Variants in STON2 observed in about 807,000 individuals in gnomAD.
STON2 encodes stonin 2.
Under a neutral mutation model 65.7 loss-of-function variants are expected in STON2, and 29 were observed. The observed-to-expected ratio is 0.44, with a 90% CI of 0.33 to 0.60. STON2 has a LOEUF of 0.60. Among genes scored for constraint, STON2 ranks in the 20% least tolerant of loss-of-function variants. STON2 has a pLI of 0.03. For synonymous variants in STON2, 404 were observed against 414.2 expected (o/e 0.98, Z 0.30); for missense variants, 1,054 against 1,118.1 (o/e 0.94, Z 0.82).
intron 3 of STON2, among the ~76,000 whole-genome samples, chr14:81,384,104 C>T (rs1487261449): frequency 6.6e-6 from 1 of 152,136 alleles, no homozygotes; most frequent in African/African-American, 2.4e-5. Flanking sequence ...GGTCTTCACT[C>T]ACATTTACCT....
intron 3 of STON2, among the ~76,000 whole-genome samples, chr14:81,371,504 G>C (rs979812449): frequency 1.3e-5 from 2 of 151,878 alleles, no homozygotes; most frequent in Non-Finnish European, 2.9e-5. Flanking sequence ...GACCATCCTG[G>C]CTAACACGGT....
chr14:81,275,774 G>A (rs1488040044), intron 6 of STON2, among the ~76,000 whole-genome samples: 1 of 152,122 alleles, frequency 6.6e-6, no homozygotes, highest in Non-Finnish European at 1.5e-5. Flanking sequence ...ACTGCCTGGG[G>A]AGCTGGCCCG....
intron 6 of STON2, among the ~76,000 whole-genome samples, chr14:81,273,842 G>A (rs1405872437): frequency 2.6e-5 from 4 of 152,198 alleles, no homozygotes; most frequent in Non-Finnish European, 1.5e-5. Context: ...AGGCAGGAAC[G>A]TGTGAGGAGA....
chr14:81,345,734 C>G (rs1897785954), intron 4 of STON2, among the ~76,000 whole-genome samples: 1 of 151,994 alleles, frequency 6.6e-6, no homozygotes, highest in Non-Finnish European at 1.5e-5. Context: ...GCACTCTAGC[C>G]TGGGCGACAG....
At chr14:81,358,182 A>G (rs1301897599) in intron 4 of STON2, among the ~76,000 whole-genome samples, 1 of 152,154 alleles carries the variant, frequency 6.6e-6, no homozygotes, top group African/African-American at 2.4e-5. Context: ...TTAAAAAACA[A>G]AACTATTAAT....
intron 4 of STON2, among the ~76,000 whole-genome samples, chr14:81,356,545 C>T (rs1392718999): frequency 2.6e-5 from 4 of 152,098 alleles, no homozygotes; most frequent in African/African-American, 9.7e-5. Flanking sequence ...GGAGGATTCC[C>T]TCTTTTTCTA....
chr14:81,415,622 A>G (rs575594745), intron 2 of STON2, among the ~76,000 whole-genome samples: 1 of 144,624 alleles, frequency 6.9e-6, no homozygotes, highest in East Asian at 2.1e-4. Flanking sequence ...GTGAGCCAAG[A>G]TCGCACCACT....
chr14:81,357,933 C>A (rs6574647), intron 4 of STON2, among the ~76,000 whole-genome samples: 44,725 of 148,066 alleles, frequency 0.3, 7,020 homozygotes, highest in East Asian at 0.4. Context: ...GATATACCTA[C>A]TGCTAGATGA....
intron 4 of STON2, among the ~76,000 whole-genome samples, chr14:81,329,892 C>A (rs990377735): frequency 6.6e-6 from 1 of 152,180 alleles, no homozygotes; most frequent in African/African-American, 2.4e-5. Flanking sequence ...GGTAAGCCTG[C>A]TTTACCTGAA....
chr14:81,361,049 G>C (rs1402745515), intron 4 of STON2, among the ~76,000 whole-genome samples: 1 of 152,110 alleles, frequency 6.6e-6, no homozygotes, highest in Non-Finnish European at 1.5e-5. Context: ...AATTCATACT[G>C]TTAAAATGAC....
At chr14:81,323,890 G>T (rs764081863) in intron 5 of STON2, among the ~76,000 whole-genome samples, 127 bp downstream of exon 5, 1 of 152,016 alleles carries the variant, frequency 6.6e-6, no homozygotes, top group Non-Finnish European at 1.5e-5. Flanking sequence ...GGGGACCACC[G>T]AGAACTAACC....
At chr14:81,276,171 C>T (rs1894810020) in intron 6 of STON2, among the ~76,000 whole-genome samples, 3 of 152,220 alleles carry the variant, frequency 2.0e-5, no homozygotes, top group Non-Finnish European at 4.4e-5. Context: ...ACGGGACCCA[C>T]GGGGGAAGTA....
chr14:81,344,140 AAC>A (rs1897724534), intron 4 of STON2, among the ~76,000 whole-genome samples: 1 of 152,162 alleles, frequency 6.6e-6, no homozygotes, highest in Non-Finnish European at 1.5e-5. Flanking sequence ...TCAGCCCCTA[AAC>A]ACATCTATCA....
chr14:81,356,211 G>T (rs1200850311), intron 4 of STON2, among the ~76,000 whole-genome samples: 8 of 152,094 alleles, frequency 5.3e-5, no homozygotes, highest in Non-Finnish European at 1.0e-4. Flanking sequence ...AGAGTTTTTA[G>T]CATGAAGCGT....
intron 5 of STON2, among the ~76,000 whole-genome samples, chr14:81,317,172 A>G (rs1472647345): frequency 6.6e-6 from 1 of 152,210 alleles, no homozygotes; most frequent in African/African-American, 2.4e-5. Context: ...TCACGTGGCA[A>G]GAGAAAGAGC....
chr14:81,278,806 T>C, intron 5 of STON2, 67 bp from the exon 6 acceptor site: 1 of 1,270,680 alleles, frequency 7.9e-7, no homozygotes, highest in Non-Finnish European at 1.1e-6. Flanking sequence ...AACTGAAGTA[T>C]AGGAATGAGG....
At chr14:81,328,842 T>C (rs1370690424) in intron 4 of STON2, among the ~76,000 whole-genome samples, 1 of 152,202 alleles carries the variant, frequency 6.6e-6, no homozygotes, top group Non-Finnish European at 1.5e-5. Flanking sequence ...TCTCACCATG[T>C]GACTTCTGTG....
At chr14:81,353,589 C>A (rs952484749) in intron 4 of STON2, among the ~76,000 whole-genome samples, 2 of 152,280 alleles carry the variant, frequency 1.3e-5, no homozygotes, top group East Asian at 1.9e-4. Context: ...CCCCTTCCCC[C>A]ACAAGTCGGC....
chr14:81,282,594 C>T lies in STON2; in HGVS notation c.743-3855G>A, dbSNP rs182533914. Among the ~76,000 whole-genome samples, 31 of 152,104 alleles carry T rather than the reference C, an allele frequency of 2.0e-4. No individual in the cohort carries two copies. In the East Asian group the frequency reaches 6.0e-3, roughly 29 times the overall value. ...AGAAAGCTTTGGAATATAATAATCT[C>T]GTAATATTTTGATGTGAAAACAAAT... On this transcript the variant is annotated intron_variant, in intron 5 of 7. Coordinates refer to ENST00000614646, the MANE Select transcript of STON2 (RefSeq NM_001394390.1).
Sources: gnomAD v4.1 joint callset for allele counts (sites outside exome capture counted in the v4.1 genomes callset) on GRCh38, gnomAD v4.1.1 for gene constraint, MANE v1.5 for transcripts, NCBI Gene and HGNC (gene_info 2026-07-23, HGNC 2026-07-21) for gene names.